Variants in PCNX2 observed in about 807,000 individuals in gnomAD.
PCNX2 encodes pecanex 2.
In PCNX2, 168 loss-of-function variants were observed where a neutral mutation model predicts 223.8. The observed-to-expected ratio is 0.75, with a 90% CI of 0.66 to 0.85. PCNX2 has a LOEUF of 0.85. PCNX2 is among the 40% of genes least tolerant of loss of function. The pLI, the probability that PCNX2 is intolerant of heterozygous loss-of-function variation, is 0.00. For synonymous variants in PCNX2, 1,006 were observed against 1,052.6 expected (o/e 0.96, Z 0.86); for missense variants, 2,507 against 2,675.5 (o/e 0.94, Z 1.39).
intron 25 of PCNX2, among the ~76,000 whole-genome samples, chr1:233,026,660 G>A (rs60927281): frequency 0.2 from 31,091 of 152,062 alleles, 4,460 homozygotes; most frequent in African/African-American, 0.41. Context: ...AATTGTTGAT[G>A]AATTTCAACA....
In PCNX2 at chr1:232,999,243, T is replaced by C; in HGVS notation, c.5465A>G (p.Asp1822Gly). Residue 1822 changes from aspartate (D) to glycine (G), a missense_variant, in exon 31 of 34, where the codon GAT becomes GGT. Asp to Gly is a moderately conservative substitution (Grantham distance 94). Coordinates refer to ENST00000258229, the MANE Select transcript of PCNX2 (RefSeq NM_014801.4). The stretch of plus-strand genomic sequence containing the variant: ...ATACATGGGGTACCCCAGGGGCTGA[T>C]CGCAGGAGGAGTTAATCAAGTTCCG... ...VLRNLINSSC[D>G]QPLGYPMYVS... 1 of 1,613,796 alleles carries C rather than the reference T, an allele frequency of 6.2e-7. No individual in the cohort carries two copies. The highest frequency in any genetic ancestry group is 8.5e-7 in the Non-Finnish European group (1 of 1,179,816).
At chr1:233,079,450 GGGA>G (rs780349309) in intron 23 of PCNX2, among the ~76,000 whole-genome samples, 1 of 151,332 alleles carries the variant, frequency 6.6e-6, no homozygotes, top group Non-Finnish European at 1.5e-5. Context: ...ACTTGAAGCT[GGGA>G]GGAGGAGGAG....
chr1:233,126,791 A>G lies in PCNX2; in HGVS notation c.3837+8222T>C, dbSNP rs1008751222. Among the ~76,000 whole-genome samples, 3 of 152,168 alleles carry G rather than the reference A, an allele frequency of 2.0e-5. No homozygotes were observed. The highest frequency in any genetic ancestry group is 7.2e-5 in the African/African-American group (3 of 41,424). ...TGACCTTTATGGCTCTCGTTCCACA[A>G]TCTAATACATCAAAGCTAACATCCT... On this transcript the variant is annotated intron_variant, in intron 21 of 33. Coordinates refer to ENST00000258229, the MANE Select transcript of PCNX2 (RefSeq NM_014801.4). This position sits in a 1 kb window ranked among gnomAD's most constrained non-coding sequence, Gnocchi z 4.8.
chr1:233,097,262 T>C (rs535872985), intron 21 of PCNX2, among the ~76,000 whole-genome samples: 86 of 148,582 alleles, frequency 5.8e-4, no homozygotes, highest in Non-Finnish European at 1.0e-3. Context: ...TAGAAGAGAA[T>C]GGAAGAATGA....
intron 21 of PCNX2, among the ~76,000 whole-genome samples, chr1:233,125,184 C>T (rs1676026632): frequency 6.6e-6 from 1 of 152,196 alleles, no homozygotes; most frequent in Non-Finnish European, 1.5e-5. Context: ...CAGTGTTGAG[C>T]TTTGATCTCT....
intron 23 of PCNX2, among the ~76,000 whole-genome samples, chr1:233,068,260 CTCAAAGGAAGAAAAACTAACAGAATGTA>C (rs1672704388): frequency 2.6e-5 from 4 of 151,834 alleles, no homozygotes; most frequent in Admixed American, 2.0e-4. Flanking sequence ...CCAAGGCATT[CTCAAAGGAAGAAAAACTAACAGAATGTA>C]TCAAAGGAAG....
chr1:233,032,384 T>C (rs1671300731), intron 25 of PCNX2, among the ~76,000 whole-genome samples: 1 of 152,138 alleles, frequency 6.6e-6, no homozygotes, highest in African/African-American at 2.4e-5. Context: ...ATTACAGGTG[T>C]GAGCCACCGC....
chr1:233,249,452 T>C (rs562163321), intron 8 of PCNX2, among the ~76,000 whole-genome samples: 3 of 152,200 alleles, frequency 2.0e-5, no homozygotes, highest in African/African-American at 7.2e-5. Context: ...CATCAAACCA[T>C]CATAACGTCT....
chr1:233,199,036 A>T lies in PCNX2; in HGVS notation c.2975-6T>A. 1 of 1,568,050 alleles carries T rather than the reference A, an allele frequency of 6.4e-7. No individual in the cohort carries two copies. Among genetic ancestry groups the T allele is most frequent in the East Asian group, 2.4e-5 (1 of 42,252 alleles). ...CGAGGTTATCCCAGACACAGCTGGA[A>T]CACAAACATCAACAGTTCTTTTCTA... On this transcript the variant is annotated splice_region_variant and splice_polypyrimidine_tract_variant and intron_variant, in intron 14 of 33. Coordinates refer to ENST00000258229, the MANE Select transcript of PCNX2 (RefSeq NM_014801.4).
chr1:233,180,879 G>C (rs911474256), intron 15 of PCNX2: 4 of 152,266 alleles, frequency 2.6e-5, no homozygotes, highest in Non-Finnish European at 4.4e-5. Context: ...CGCCCTGCAT[G>C]CCTCTCAGAT....
At chr1:232,994,257 G>A (rs1669801779) in intron 32 of PCNX2, among the ~76,000 whole-genome samples, 1 of 152,242 alleles carries the variant, frequency 6.6e-6, no homozygotes, top group Non-Finnish European at 1.5e-5. Flanking sequence ...CAAGGCATTG[G>A]AAGCCCACCT....
intron 19 of PCNX2, among the ~76,000 whole-genome samples, chr1:233,155,999 C>T (rs1414111273): frequency 6.6e-6 from 1 of 152,168 alleles, no homozygotes; most frequent in East Asian, 1.9e-4. Context: ...AGAGCAACTT[C>T]ACATATACAC....
the PCNX2 span, among the ~76,000 whole-genome samples, chr1:233,309,989 A>G: frequency 6.6e-6 from 1 of 152,166 alleles, no homozygotes; most frequent in African/African-American, 2.4e-5. Context: ...TAAATAATAA[A>G]GTTATTAATA....
intron 1 of PCNX2, among the ~76,000 whole-genome samples, chr1:233,268,252 A>T (rs528578038): frequency 2.4e-4 from 37 of 152,246 alleles, no homozygotes; most frequent in Middle Eastern, 6.8e-3. Context: ...CATTTTCCAT[A>T]GCAGCTGTGC....
chr1:233,067,592 A>G (rs913817593), intron 23 of PCNX2, among the ~76,000 whole-genome samples: 9 of 151,446 alleles, frequency 5.9e-5, no homozygotes, highest in African/African-American at 2.2e-4. Flanking sequence ...TCCCACCTCA[A>G]CCTCCCAAGT....
intron 10 of PCNX2, among the ~76,000 whole-genome samples, chr1:233,224,981 G>A (rs968504577): frequency 6.6e-6 from 1 of 151,878 alleles, no homozygotes. Context: ...GAGAGCATCA[G>A]AACAAATACC....
At chr1:233,314,648 G>A in the PCNX2 span, among the ~76,000 whole-genome samples, 1 of 152,012 alleles carries the variant, frequency 6.6e-6, no homozygotes, top group Admixed American at 6.6e-5. Flanking sequence ...TCAATATTCT[G>A]TATAAATGGA....
At chr1:233,172,402 G>A in intron 17 of PCNX2, 2 of 985,428 alleles carry the variant, frequency 2.0e-6, no homozygotes, top group Non-Finnish European at 2.4e-6. Context: ...CTAGTTGTTT[G>A]AACTTGTGCT....
chr1:233,138,069 C>T (rs1047793897), intron 20 of PCNX2, among the ~76,000 whole-genome samples: 1 of 152,090 alleles, frequency 6.6e-6, no homozygotes, highest in African/African-American at 2.4e-5. Context: ...AGTAGGGTGC[C>T]TGAAACCTCG....
Sources: allele counts gnomAD v4.1 joint callset (sites outside exome capture counted in the v4.1 genomes callset), GRCh38; gene constraint gnomAD v4.1.1; non-coding constraint Gnocchi (gnomAD v3.1); transcripts MANE v1.5; gene names NCBI Gene and HGNC (gene_info 2026-07-23, HGNC 2026-07-21).